The following STX8 variants were observed in gnomAD, a reference collection of about 807,000 sequenced individuals.
STX8 encodes syntaxin-8.
In STX8, 23 loss-of-function variants were observed where a neutral mutation model predicts 37.5. The ratio of observed to expected loss-of-function variants is 0.61; its 90% CI spans 0.44 to 0.87. The LOEUF is 0.87. Ranked by LOEUF, STX8 falls within the 40% of genes least tolerant of loss-of-function variation. STX8 has a pLI of 0.00. For missense variants in STX8, 313 were observed against 284.7 expected (o/e 1.10, Z -0.71); for synonymous variants, 115 against 99.1 (o/e 1.16, Z -0.95).
At chr17:9,489,690 C>CTTTTTTT (rs1378987157) in intron 6 of STX8, among the ~76,000 whole-genome samples, 5 of 38,602 alleles carry the variant, frequency 1.3e-4, no homozygotes, top group Non-Finnish European at 2.5e-4. Flanking sequence ...AGCTTACTTT[C>CTTTTTTT]CTTTTTTTTT....
chr17:9,425,446 T>C (rs16958267), intron 6 of STX8, among the ~76,000 whole-genome samples: 8,548 of 152,208 alleles, frequency 0.056, 678 homozygotes, highest in African/African-American at 0.18. Context: ...ATTCTTTTGA[T>C]TGTCATTAAA....
At chr17:9,414,129 ACCATCCATCCAT>A (rs769390840) in intron 6 of STX8, among the ~76,000 whole-genome samples, 1 of 67,620 alleles carries the variant, frequency 1.5e-5, no homozygotes, top group Admixed American at 2.1e-4. Flanking sequence ...CATCCATCCA[ACCATCCATCCAT>A]CCATCCATCC....
At chr17:9,339,615 C>G (rs1259610410) in intron 7 of STX8, among the ~76,000 whole-genome samples, 1 of 151,952 alleles carries the variant, frequency 6.6e-6, no homozygotes. Flanking sequence ...GATCGCGCCA[C>G]TGCGCCACTG....
intron 6 of STX8, among the ~76,000 whole-genome samples, chr17:9,478,697 G>C (rs1440902397): frequency 2.0e-5 from 3 of 152,096 alleles, no homozygotes. Flanking sequence ...CTTCATCTGG[G>C]TACATGATTC....
chr17:9,440,256 T>C (rs1308122330), intron 6 of STX8, among the ~76,000 whole-genome samples: 1 of 152,196 alleles, frequency 6.6e-6, no homozygotes, highest in African/African-American at 2.4e-5. Context: ...AGATTTGTTA[T>C]TAGTACCATT....
chr17:9,424,325 G>C (rs1309781330), intron 6 of STX8, among the ~76,000 whole-genome samples: 1 of 151,890 alleles, frequency 6.6e-6, no homozygotes, highest in Non-Finnish European at 1.5e-5. Flanking sequence ...TTGGGTCCCT[G>C]CAAGATTGGG....
chr17:9,322,066 T>C (rs1171721848), intron 7 of STX8, among the ~76,000 whole-genome samples: 1 of 152,204 alleles, frequency 6.6e-6, no homozygotes, highest in Non-Finnish European at 1.5e-5. Flanking sequence ...TGACAAGTAC[T>C]ATTGGATTCA....
chr17:9,394,782 G>C (rs577317617), intron 6 of STX8, among the ~76,000 whole-genome samples: 2 of 151,836 alleles, frequency 1.3e-5, no homozygotes, highest in East Asian at 1.9e-4. Context: ...GTTTAAAAAA[G>C]TTTGGCCAGG....
chr17:9,296,820 A>T (rs1164464463), intron 7 of STX8, among the ~76,000 whole-genome samples: 2 of 152,214 alleles, frequency 1.3e-5, no homozygotes, highest in Non-Finnish European at 2.9e-5. Context: ...GTGAGCTCCA[A>T]GGTGAGACAA....
chr17:9,515,600 A>T (rs757819349), intron 4 of STX8, among the ~76,000 whole-genome samples: 1 of 152,102 alleles, frequency 6.6e-6, no homozygotes, highest in Non-Finnish European at 1.5e-5. Flanking sequence ...ATCTCTCACC[A>T]CACCCTTGAC....
intron 6 of STX8, among the ~76,000 whole-genome samples, chr17:9,396,220 T>G (rs1045401857): frequency 3.5e-4 from 54 of 152,314 alleles, no homozygotes; most frequent in African/African-American, 1.3e-3. Context: ...TAGCAACCTG[T>G]GTGCATAAAA....
rs201820397 is a variant in STX8, at chr17:9,400,999, GCT to G, written c.542-22348_542-22347del. ...TCTAGACCCGAACTAGTAGAACTCT[GCT>G]CTCTTTGAAAAATAGCCTACATTTC... On this transcript the variant is annotated intron_variant, in intron 6 of 7. Transcript: ENST00000306357. 6.2e-3 allele frequency among the ~76,000 whole-genome samples: 946 copies of G among 152,210 alleles called. 19 individuals are homozygous for G. Among genetic ancestry groups the G allele is most frequent in the African/African-American group, 0.022 (899 of 41,530 alleles).
At chr17:9,268,422 G>C (rs1907309288) in intron 7 of STX8, among the ~76,000 whole-genome samples, 1 of 152,200 alleles carries the variant, frequency 6.6e-6, no homozygotes, top group Non-Finnish European at 1.5e-5. Flanking sequence ...GGGCAGTCAG[G>C]CTGCAGAGCT....
At chr17:9,473,469 C>T (rs1360098391) in intron 6 of STX8, among the ~76,000 whole-genome samples, 2 of 152,154 alleles carry the variant, frequency 1.3e-5, no homozygotes, top group South Asian at 4.1e-4. Context: ...ATGCTCAAGT[C>T]CCATATATAA....
In STX8 at chr17:9,284,757, C is replaced by T. The variant is rs1387551849; in HGVS notation, c.644-34112G>A. On this transcript the variant is annotated intron_variant, in intron 7 of 7. Transcript: ENST00000306357. The stretch of plus-strand genomic sequence containing the variant: ...GACTGACTTTATATCTAGACTTCGA[C>T]TTAGCAGAATTAGAAAACTTCAAAA... 3.3e-5 allele frequency among the ~76,000 whole-genome samples: 5 copies of T among 152,270 alleles called. No individual in the cohort carries two copies. The East Asian group carries it at 9.7e-4, about 29-fold the overall frequency.
At chr17:9,346,021 T>A (rs1374220267) in intron 7 of STX8, among the ~76,000 whole-genome samples, 1 of 151,788 alleles carries the variant, frequency 6.6e-6, no homozygotes, top group Non-Finnish European at 1.5e-5. Context: ...CCGGCTCATT[T>A]TTGTATTTTT....
In STX8 at chr17:9,366,464, T is replaced by C. The variant is rs540932436; in HGVS notation, c.643+12088A>G. ...CCAGGCTGGTCTTGAACTCCTGACC[T>C]CGTGATCTGCCCACCTTGGCCTTCC... On this transcript the variant is annotated intron_variant, in intron 7 of 7. Coordinates refer to ENST00000306357, the MANE Select transcript of STX8 (RefSeq NM_004853.3). Among the ~76,000 whole-genome samples, 213 of 152,278 alleles carry C rather than the reference T, an allele frequency of 1.4e-3. 1 individual carries two copies. In the South Asian group the frequency reaches 0.022, roughly 16 times the overall value.
intron 7 of STX8, among the ~76,000 whole-genome samples, chr17:9,362,201 A>G (rs1911082884): frequency 6.6e-6 from 1 of 152,092 alleles, no homozygotes; most frequent in Non-Finnish European, 1.5e-5. Context: ...GTGTTGGCCC[A>G]TGCCTGTAAT....
chr17:9,517,583 G>C (rs116177574), intron 4 of STX8, among the ~76,000 whole-genome samples: 1 of 152,074 alleles, frequency 6.6e-6, no homozygotes, highest in South Asian at 2.1e-4. Context: ...CCCACCTAGT[G>C]GCAGAGCTAA....
Sources: gnomAD v4.1 joint callset for allele counts (sites outside exome capture counted in the v4.1 genomes callset) on GRCh38, gnomAD v4.1.1 for gene constraint, MANE v1.5 for transcripts, NCBI Gene and HGNC (gene_info 2026-07-23, HGNC 2026-07-21) for gene names.